KATNB1: variants seen among roughly 807,000 people sequenced by gnomAD.
The protein encoded by KATNB1 is katanin p80 WD40 repeat-containing subunit B1.
Under a neutral mutation model 82.3 loss-of-function variants are expected in KATNB1, and 38 were observed. The observed-to-expected ratio is 0.46, with a 90% confidence interval of 0.36 to 0.61. The LOEUF (loss-of-function observed/expected upper bound fraction) is 0.61, where lower values mean the gene tolerates loss of function less well. KATNB1 is among the 20% of genes least tolerant of loss of function. KATNB1 has a pLI of 0.00. For missense variants in KATNB1, 749 were observed against 915.7 expected (o/e 0.82, Z 2.35); for synonymous variants, 361 against 368.7 (o/e 0.98, Z 0.24).
At chr16:57,744,565 T>C in intron 4 of KATNB1, 54 bp downstream of exon 4, 1 of 1,415,654 alleles carries the variant, frequency 7.1e-7, no homozygotes, top group Non-Finnish European at 1.0e-6. Flanking sequence ...GTCTTCAGGC[T>C]CTGCAGTTGT....
At chr16:57,743,291 T>C (rs1555580273) in intron 3 of KATNB1, among the ~76,000 whole-genome samples, 1 of 152,050 alleles carries the variant, frequency 6.6e-6, no homozygotes, top group East Asian at 1.9e-4. Context: ...AGATTCCATC[T>C]CAAAAGAAAA....
intron 2 of KATNB1, among the ~76,000 whole-genome samples, chr16:57,740,557 G>A (rs994382715): frequency 7.9e-5 from 12 of 152,240 alleles, no homozygotes; most frequent in Non-Finnish European, 1.3e-4. Flanking sequence ...GCCTCGGGGC[G>A]TCAGCACCTT....
chr16:57,744,669 G>A (rs1248591919), intron 4 of KATNB1, among the ~76,000 whole-genome samples, 158 bp downstream of exon 4: 3 of 152,160 alleles, frequency 2.0e-5, no homozygotes, highest in Non-Finnish European at 4.4e-5. Context: ...ACCCCCATTA[G>A]CCTGGCATTG....
chr16:57,740,670 G>T (rs550336046), intron 2 of KATNB1, among the ~76,000 whole-genome samples: 2 of 152,170 alleles, frequency 1.3e-5, no homozygotes, highest in Admixed American at 6.5e-5. Flanking sequence ...CCGCCTCTTG[G>T]TTCCCTGCCT....
chr16:57,756,121 G>T, intron 18 of KATNB1, 55 bp downstream of exon 18: 1 of 1,567,780 alleles, frequency 6.4e-7, no homozygotes, highest in South Asian at 1.1e-5. Flanking sequence ...GAGGTAAGAA[G>T]CCTCCTCCAG....
At chr16:57,752,952 GCCC>G (rs782053525) in intron 10 of KATNB1, 24 bp downstream of exon 10, 4 of 1,598,154 alleles carry the variant, frequency 2.5e-6, no homozygotes, top group Non-Finnish European at 3.4e-6. Flanking sequence ...GGCACCCACC[GCCC>G]CCCACTCCCA....
intron 4 of KATNB1, among the ~76,000 whole-genome samples, chr16:57,747,222 G>A (rs1317970732): frequency 6.6e-6 from 1 of 152,264 alleles, no homozygotes; most frequent in Non-Finnish European, 1.5e-5. Context: ...ATCATCCCGC[G>A]TGCCAGGCAG....
chr16:57,744,386 C>G lies in KATNB1; in HGVS notation c.172-8C>G. On this transcript the variant is annotated splice_region_variant and splice_polypyrimidine_tract_variant and intron_variant, in intron 3 of 19. Coordinates refer to ENST00000379661, the MANE Select transcript of KATNB1 (RefSeq NM_005886.3). Reference sequence around the variant, plus strand: ...CAGTGCACGGAAGCTGCTGCTCTCTCTCCACAGAGCCTGACGGGCCACACA... The same window carrying G: ...CAGTGCACGGAAGCTGCTGCTCTCTGTCCACAGAGCCTGACGGGCCACACA... The G allele has an allele frequency of 6.2e-7, 1 of 1,609,302 alleles. No homozygotes were observed. Among genetic ancestry groups the G allele is most frequent in the Non-Finnish European group, 8.5e-7 (1 of 1,176,918 alleles).
intron 4 of KATNB1, among the ~76,000 whole-genome samples, chr16:57,748,483 AAAGG>A (rs2049199835): frequency 6.8e-6 from 1 of 146,336 alleles, no homozygotes; most frequent in African/African-American, 2.5e-5. Flanking sequence ...AAAAAAAAAA[AAAGG>A]AGAGAGAGAG....
At chr16:57,741,968 G>C in intron 3 of KATNB1, 151 bp downstream of exon 3, 2 of 908,214 alleles carry the variant, frequency 2.2e-6, no homozygotes, top group Non-Finnish European at 3.4e-6. Flanking sequence ...TGGAGGGGGC[G>C]TGGTGGGGAC....
At position 57,744,524 on chromosome 16, in the gene KATNB1, G is replaced by A. The variant is rs2049168367; in HGVS notation, c.289+13G>A. The A allele has an allele frequency of 9.4e-6, 15 of 1,598,978 alleles. No individual in the cohort carries two copies. The highest frequency in any genetic ancestry group is 1.2e-5 in the Non-Finnish European group (14 of 1,166,660). On this transcript the variant is annotated intron_variant, in intron 4 of 19. Coordinates refer to ENST00000379661, the MANE Select transcript of KATNB1 (RefSeq NM_005886.3). ...GAAGCTGCCAAAAGTAGGCCTCCGA[G>A]CTTGCCTCCTGTGCACGCACACCTG...
At chr16:57,737,416 C>A in intron 2 of KATNB1, 133 bp downstream of exon 2, 1 of 972,550 alleles carries the variant, frequency 1.0e-6, no homozygotes, top group Non-Finnish European at 1.6e-6. Context: ...GTAAGATAGA[C>A]CATTATGTAA....
intron 4 of KATNB1, among the ~76,000 whole-genome samples, chr16:57,748,329 C>T (rs2049198071): frequency 6.6e-6 from 1 of 152,018 alleles, no homozygotes; most frequent in Non-Finnish European, 1.5e-5. Context: ...TGGAAAGGTT[C>T]CAAAGAGAGC....
intron 16 of KATNB1, 25 bp from the exon 17 acceptor site, chr16:57,755,816 C>A: frequency 6.4e-7 from 1 of 1,566,348 alleles, no homozygotes; most frequent in Non-Finnish European, 8.7e-7. Context: ...ACTGCCCCAC[C>A]CCTGACGGTG....
rs1359825610 is a variant in KATNB1, at chr16:57,737,200, A to T, written c.-44A>T. The T allele has an allele frequency of 1.8e-5, 29 of 1,612,632 alleles. No homozygotes were observed. Among genetic ancestry groups the T allele is most frequent in the Non-Finnish European group, 2.5e-5 (29 of 1,179,058 alleles). ...CACCCCCACCCCACGAGGAAAGCAC[A>T]GTTTATTTTGTGGGTGGGGCTTCAG... On this transcript the variant is annotated 5_prime_UTR_variant, in exon 2 of 20. Coordinates refer to ENST00000379661, the MANE Select transcript of KATNB1 (RefSeq NM_005886.3).
At chr16:57,744,581 T>A in intron 4 of KATNB1, 70 bp downstream of exon 4, 2 of 1,279,898 alleles carry the variant, frequency 1.6e-6, no homozygotes, top group Non-Finnish European at 2.3e-6. Context: ...GTTGTACTGC[T>A]TCCTCCAGGA....
rs1225214779 is a variant in KATNB1 at position 57,754,836 on chromosome 16, C to G, written c.1229-94C>G. 6.3e-6 allele frequency: 8 copies of G among 1,265,426 alleles called. No individual in the cohort carries two copies. In the African/African-American group the frequency reaches 1.0e-4, roughly 16 times the overall value. The allele number at this position is 1,265,426 out of a possible 1,614,324, so 78.4% of individuals were successfully genotyped here. A position where few individuals can be genotyped will look rare whatever the true frequency, so the allele number is the denominator to read the frequency against. The stretch of plus-strand genomic sequence containing the variant: ...CCCCCATGCTCCTGCTCCATCCCCC[C>G]ATTGCAGATGCTGCCCAGAGTCCCG... On this transcript the variant is annotated intron_variant, in intron 13 of 19. Transcript: ENST00000379661.
In KATNB1 at chr16:57,756,849, A is replaced by T. The variant is rs2148798190; in HGVS notation, c.1871A>T (p.Lys624Met). The change falls in exon 20 of 20, where the codon AAG (lysine) becomes ATG (methionine). Residue 624 changes from lysine (K) to methionine (M), a missense_variant. Physicochemically the swap from Lys to Met is moderately conservative, Grantham distance 95. Around this residue, in one of 3 missense-constraint regions of KATNB1, gnomAD observed 95 missense variants for 131.6 expected, o/e 0.72. Transcript: ENST00000379661. Reference protein sequence around the residue: ...HKCRLCYKQLKSISGLVKSKS... With the variant: ...HKCRLCYKQLMSISGLVKSKS... ...TGCCGGCTCTGCTACAAGCAGCTTAAGAGCATCAGCGGCCTGGTCAAGAGC... is the reference window on the plus strand; with the variant it reads ...TGCCGGCTCTGCTACAAGCAGCTTATGAGCATCAGCGGCCTGGTCAAGAGC... 1 of 1,578,670 alleles carries T rather than the reference A, an allele frequency of 6.3e-7. No homozygotes were observed. The highest frequency in any genetic ancestry group is 2.3e-5 in the East Asian group (1 of 43,222).
chr16:57,743,720 G>A (rs782162345), intron 3 of KATNB1, among the ~76,000 whole-genome samples: 2 of 152,220 alleles, frequency 1.3e-5, no homozygotes, highest in Admixed American at 6.5e-5. Flanking sequence ...CCAGCCTGCC[G>A]GGGTCTCTCT....
Sources: allele counts gnomAD v4.1 joint callset (sites outside exome capture counted in the v4.1 genomes callset), GRCh38; gene constraint gnomAD v4.1.1; regional missense constraint gnomAD v4.1.1; transcripts MANE v1.5; gene names NCBI Gene and HGNC (gene_info 2026-07-23, HGNC 2026-07-21).